Variants in MAGI1 observed in about 807,000 individuals in gnomAD.
The protein encoded by MAGI1 is membrane-associated guanylate kinase, WW and PDZ domain-containing protein 1.
In MAGI1, 58 loss-of-function variants were observed where a neutral mutation model predicts 139.9. The observed-to-expected ratio is 0.41, with a 90% confidence interval of 0.34 to 0.52. MAGI1 has a LOEUF of 0.52. Ranked by LOEUF, MAGI1 falls within the 20% of genes least tolerant of loss-of-function variation. The probability of loss-of-function intolerance (pLI) is 0.12; values close to 1 mark genes in which losing one functional copy is unlikely to be tolerated. For missense variants in MAGI1, 1,874 were observed against 1,901.6 expected, an observed-to-expected ratio of 0.99 and a Z score of 0.27; for synonymous variants, 812 against 737.9, an observed-to-expected ratio of 1.10 and a Z score of -1.63.
At chr3:65,963,056 C>T (rs1281703311) in intron 1 of MAGI1, among the ~76,000 whole-genome samples, 7 of 149,406 alleles carry the variant, frequency 4.7e-5, no homozygotes, top group East Asian at 2.0e-4. Flanking sequence ...TCTGGCCAGG[C>T]GCAGTGGCTC....
intron 1 of MAGI1, among the ~76,000 whole-genome samples, chr3:65,700,659 A>AT (rs2089533730): frequency 2.0e-5 from 3 of 152,076 alleles, no homozygotes; most frequent in African/African-American, 4.8e-5. Context: ...TAATGTTGTG[A>AT]TTTTTTTGGG....
intron 1 of MAGI1, among the ~76,000 whole-genome samples, chr3:65,663,359 C>T (rs925082710): frequency 3.3e-5 from 5 of 152,160 alleles, no homozygotes; most frequent in Admixed American, 6.5e-5. Flanking sequence ...TCTTGCCTTC[C>T]TCTGGACTGA....
chr3:65,476,903 C>T (rs1950922653), intron 4 of MAGI1, among the ~76,000 whole-genome samples: 1 of 152,168 alleles, frequency 6.6e-6, no homozygotes, highest in Non-Finnish European at 1.5e-5. Flanking sequence ...AACATAGGTA[C>T]AAGGTGGCAA....
intron 2 of MAGI1, among the ~76,000 whole-genome samples, chr3:65,621,146 G>T (rs552666879): frequency 1.3e-5 from 2 of 152,146 alleles, no homozygotes; most frequent in African/African-American, 4.8e-5. Context: ...TAAAGGACTG[G>T]GTGATAGAGA....
In MAGI1 at chr3:65,909,649, T is replaced by C. The variant is rs529343767; in HGVS notation, c.313+128347A>G. Among the ~76,000 whole-genome samples, 13 of 152,220 alleles carry C rather than the reference T, an allele frequency of 8.5e-5. No individual in the cohort carries two copies. In the South Asian group the frequency reaches 2.7e-3, roughly 32 times the overall value. On this transcript the variant is annotated intron_variant, in intron 1 of 22. Transcript: ENST00000402939. ...AAGTCAAGGCTGCAGTGAGCTGTGA[T>C]CATACCACTGTACTCCAGACTGAGT...
intron 1 of MAGI1, among the ~76,000 whole-genome samples, chr3:65,861,730 C>A (rs1039100241): frequency 6.6e-6 from 1 of 152,138 alleles, no homozygotes; most frequent in Non-Finnish European, 1.5e-5. Flanking sequence ...AAAAAAAAGA[C>A]ACTCGTACAA....
intron 1 of MAGI1, among the ~76,000 whole-genome samples, chr3:65,728,277 G>C (rs2033827262): frequency 6.6e-6 from 1 of 152,150 alleles, no homozygotes; most frequent in South Asian, 2.1e-4. Context: ...ACTCAGAACA[G>C]GATGATTGGA....
At chr3:65,747,470 A>T (rs2035800289) in intron 1 of MAGI1, among the ~76,000 whole-genome samples, 1 of 152,152 alleles carries the variant, frequency 6.6e-6, no homozygotes, top group Non-Finnish European at 1.5e-5. Context: ...TTTCTTTAAA[A>T]AATATTACTT....
At chr3:65,950,106 A>AAAC (rs796698272) in intron 1 of MAGI1, among the ~76,000 whole-genome samples, 32 of 84,188 alleles carry the variant, frequency 3.8e-4, no homozygotes, top group East Asian at 1.6e-3. Flanking sequence ...AAAAAAAAAA[A>AAAC]CAGAACTAGC....
chr3:65,472,926 C>T (rs1385811971), intron 4 of MAGI1, among the ~76,000 whole-genome samples: 1 of 152,192 alleles, frequency 6.6e-6, no homozygotes, highest in South Asian at 2.1e-4. Flanking sequence ...GTCATGATTA[C>T]GGACACTGAC....
intron 1 of MAGI1, among the ~76,000 whole-genome samples, chr3:66,016,869 C>T (rs929186342): frequency 6.6e-6 from 1 of 152,182 alleles, no homozygotes; most frequent in African/African-American, 2.4e-5. Context: ...GAGGACATTA[C>T]ACTAATTGAG....
At chr3:65,687,870 G>C (rs2088197858) in intron 1 of MAGI1, 1 of 626,758 alleles carries the variant, frequency 1.6e-6, no homozygotes, top group Non-Finnish European at 3.1e-6. Flanking sequence ...ACTGGACCCA[G>C]AACTCCGTTT....
chr3:65,922,870 T>C (rs993421390), intron 1 of MAGI1, among the ~76,000 whole-genome samples: 1 of 152,208 alleles, frequency 6.6e-6, no homozygotes, highest in Non-Finnish European at 1.5e-5. Context: ...CTTCCTATAG[T>C]CTTTAGAAGA....
intron 2 of MAGI1, among the ~76,000 whole-genome samples, chr3:65,565,115 T>C (rs1028625478): frequency 1.3e-5 from 2 of 152,138 alleles, no homozygotes; most frequent in Non-Finnish European, 2.9e-5. Context: ...CACACACATA[T>C]ATACGGGCAC....
chr3:66,030,067 T>C (rs796713176), intron 1 of MAGI1, among the ~76,000 whole-genome samples: 1 of 152,294 alleles, frequency 6.6e-6, no homozygotes, highest in African/African-American at 2.4e-5. Context: ...GAGACTCCAG[T>C]GGACTCTTCC....
chr3:65,610,742 G>GTATATACTATATATACTATATATATA (rs11276480), intron 2 of MAGI1, among the ~76,000 whole-genome samples: 8 of 121,318 alleles, frequency 6.6e-5, no homozygotes, highest in African/African-American at 2.2e-4. Flanking sequence ...ATAGTATATA[G>GTATATACTATATATACTATATATATA]TATATATACA....
intron 2 of MAGI1, among the ~76,000 whole-genome samples, chr3:65,540,005 C>T (rs1053989559): frequency 3.9e-5 from 6 of 152,156 alleles, no homozygotes; most frequent in Admixed American, 3.9e-4. Context: ...TCTCACTTCC[C>T]CTACACTCAC....
At chr3:65,708,160 A>G (rs1025391214) in intron 1 of MAGI1, among the ~76,000 whole-genome samples, 1 of 152,244 alleles carries the variant, frequency 6.6e-6, no homozygotes, top group African/African-American at 2.4e-5. Context: ...CTCTTACCTG[A>G]GGTTCAAGAC....
At chr3:65,508,808 G>T (rs1474697587) in intron 2 of MAGI1, among the ~76,000 whole-genome samples, 1 of 152,310 alleles carries the variant, frequency 6.6e-6, no homozygotes, top group African/African-American at 2.4e-5. Flanking sequence ...TGTTTCATGT[G>T]TATTAAGTGA....
Sources: allele counts gnomAD v4.1 joint callset (sites outside exome capture counted in the v4.1 genomes callset), GRCh38; gene constraint gnomAD v4.1.1; transcripts MANE v1.5; gene names NCBI Gene and HGNC (gene_info 2026-07-23, HGNC 2026-07-21).